Variants in RBFOX1 observed in about 807,000 individuals in gnomAD.
The protein encoded by RBFOX1 is RNA binding fox-1 homolog 1.
RBFOX1 carries 8 observed loss-of-function variants against 57.7 expected under a neutral mutation model. The ratio of observed to expected loss-of-function variants is 0.14; its 90% CI spans 0.08 to 0.25. RBFOX1 has a LOEUF of 0.25. Ranked by LOEUF, RBFOX1 falls within the 10% of genes least tolerant of loss-of-function variation. RBFOX1 has a pLI of 1.00. For missense variants in RBFOX1, 611 were observed against 548.5 expected (o/e 1.11, Z -1.14); for synonymous variants, 326 against 222.4 (o/e 1.47, Z -4.15).
intron 3 of RBFOX1, among the ~76,000 whole-genome samples, chr16:6,875,547 C>A (rs1452697097): frequency 6.6e-6 from 1 of 152,154 alleles, no homozygotes; most frequent in Non-Finnish European, 1.5e-5. Flanking sequence ...ATGTTTATGT[C>A]TGAAGCAAGG....
chr16:7,058,885 C>T (rs1026241114), intron 4 of RBFOX1, among the ~76,000 whole-genome samples: 4 of 152,130 alleles, frequency 2.6e-5, no homozygotes, highest in Non-Finnish European at 4.4e-5. Flanking sequence ...CATAATGTTA[C>T]ATATTGCCCG....
chr16:7,544,967 G>A lies in RBFOX1; in HGVS notation c.270+26578G>A, dbSNP rs142012796. The stretch of plus-strand genomic sequence containing the variant: ...AGCAGCTCAGTTACGATGTGTGAAC[G>A]GAATGTATGAATGAATGAATGAGTG... On this transcript the variant is annotated intron_variant, in intron 5 of 15. Coordinates refer to ENST00000550418, the MANE Select transcript of RBFOX1 (RefSeq NM_018723.4). Among the ~76,000 whole-genome samples, 935 of 152,278 alleles carry A rather than the reference G, an allele frequency of 6.1e-3. 10 individuals are homozygous for A. The highest frequency in any genetic ancestry group is 0.022 in the African/African-American group (894 of 41,556).
At chr16:7,063,230 C>A (rs2055031377) in intron 4 of RBFOX1, among the ~76,000 whole-genome samples, 1 of 152,036 alleles carries the variant, frequency 6.6e-6, no homozygotes. Context: ...CAGGTAGGCA[C>A]AGGAAGAGAG....
intron 1 of RBFOX1, among the ~76,000 whole-genome samples, chr16:6,170,385 G>T (rs1159628865): frequency 6.6e-6 from 1 of 152,112 alleles, no homozygotes; most frequent in East Asian, 1.9e-4. Context: ...TAATCAATCT[G>T]CAGTAAACAG....
intron 1 of RBFOX1, among the ~76,000 whole-genome samples, chr16:5,340,918 G>A (rs1433480735): frequency 1.3e-5 from 2 of 152,124 alleles, no homozygotes; most frequent in African/African-American, 4.8e-5. Flanking sequence ...GAGAGTGAGG[G>A]ACTGTGTGGC....
In RBFOX1 at chr16:6,622,255, A is replaced by G. The variant is rs78965037; in HGVS notation, c.-63-32348A>G. Among the ~76,000 whole-genome samples, 687 of 152,346 alleles carry G rather than the reference A, an allele frequency of 4.5e-3. 2 individuals carry two copies. Among genetic ancestry groups the G allele is most frequent in the African/African-American group, 0.016 (648 of 41,582 alleles). ...ACCACATAATGACGTTTCAGTCAAC[A>G]GCAGACTACATATATGACTGTGGTC... On this transcript the variant is annotated intron_variant, in intron 2 of 15. Coordinates refer to ENST00000550418, the MANE Select transcript of RBFOX1 (RefSeq NM_018723.4).
At chr16:6,156,567 T>C (rs1246728712) in intron 1 of RBFOX1, among the ~76,000 whole-genome samples, 1 of 152,178 alleles carries the variant, frequency 6.6e-6, no homozygotes, top group African/African-American at 2.4e-5. Context: ...TGGGGAGCTG[T>C]TGAGTCCAAC....
chr16:6,366,472 A>T (rs940955529), intron 2 of RBFOX1, among the ~76,000 whole-genome samples: 1 of 152,196 alleles, frequency 6.6e-6, no homozygotes, highest in East Asian at 1.9e-4. Flanking sequence ...AACCCAGAAT[A>T]AGCCAAAATA....
intron 2 of RBFOX1, among the ~76,000 whole-genome samples, chr16:6,391,151 C>T (rs537475990): frequency 1.3e-5 from 2 of 152,248 alleles, no homozygotes; most frequent in South Asian, 4.1e-4. Context: ...ATTGGCCTTG[C>T]CTGCAAGAAG....
At chr16:7,344,880 A>T (rs1603626018) in intron 4 of RBFOX1, among the ~76,000 whole-genome samples, 1 of 152,124 alleles carries the variant, frequency 6.6e-6, no homozygotes, top group Non-Finnish European at 1.5e-5. Flanking sequence ...TGCCCGTACA[A>T]CCGACTCTGA....
chr16:7,501,472 A>T (rs956365879), intron 4 of RBFOX1, among the ~76,000 whole-genome samples: 4 of 152,152 alleles, frequency 2.6e-5, no homozygotes, highest in Non-Finnish European at 5.9e-5. Flanking sequence ...AGTGCTGGGG[A>T]TATGCTGTCC....
At chr16:5,711,697 C>G (rs2051493739) in intron 3 of RBFOX1, among the ~76,000 whole-genome samples, 1 of 152,074 alleles carries the variant, frequency 6.6e-6, no homozygotes, top group African/African-American at 2.4e-5. Flanking sequence ...ATTTTTTGGT[C>G]TTTACTCTCA....
chr16:5,801,225 A>T (rs1372298141), intron 3 of RBFOX1, among the ~76,000 whole-genome samples: 2 of 152,200 alleles, frequency 1.3e-5, no homozygotes, highest in Non-Finnish European at 2.9e-5. Context: ...TACTAATTAT[A>T]AATGCAATTA....
At chr16:6,854,551 C>G (rs1261796934) in intron 3 of RBFOX1, among the ~76,000 whole-genome samples, 1 of 150,880 alleles carries the variant, frequency 6.6e-6, no homozygotes, top group South Asian at 2.1e-4. Context: ...TCTTCTGAAC[C>G]TCACGCATTA....
intron 2 of RBFOX1, among the ~76,000 whole-genome samples, chr16:5,520,426 C>G (rs1020637013): frequency 6.6e-6 from 1 of 152,208 alleles, no homozygotes; most frequent in Admixed American, 6.5e-5. Context: ...CCCCTGTCTT[C>G]TCAGCCACCA....
intron 1 of RBFOX1, among the ~76,000 whole-genome samples, chr16:6,245,117 A>G (rs1433204826): frequency 6.6e-6 from 1 of 152,186 alleles, no homozygotes; most frequent in African/African-American, 2.4e-5. Flanking sequence ...GAATCATAGT[A>G]GAAACTGATA....
chr16:7,583,976 G>A lies in RBFOX1; in HGVS notation c.415-3271G>A, dbSNP rs561932553. On this transcript the variant is annotated intron_variant, in intron 6 of 15. Transcript: ENST00000550418. ...CAAGATCACTTTTTAGTCACGAGAC[G>A]GGCTTGCCTGTACTTATGACGTTAA... Among the ~76,000 whole-genome samples the A allele has an allele frequency of 4.6e-5, 7 of 152,216 alleles. No individual in the cohort carries two copies. In the East Asian group the frequency reaches 1.2e-3, roughly 25 times the overall value.
Position 6,056,939 on chromosome 16 carries a change from T to A in RBFOX1, c.-127+36947T>A, listed in dbSNP as rs201896265. 6 of 151,994 alleles carry A rather than the reference T, an allele frequency of 3.9e-5. No homozygotes were observed. The East Asian group carries it at 1.2e-3, about 30-fold the overall frequency. 9.4% of individuals were successfully genotyped at this position (151,994 alleles called of 1,614,324 possible). ...ATAACCAAAGTCCTGATGTGGCAAT[T>A]GATTAAACTCTCTTTTTATGATACC... On this transcript the variant is annotated intron_variant, in intron 1 of 15. Transcript: ENST00000550418.
Position 7,640,322 on chromosome 16 carries a change from G to T in RBFOX1, c.757+9639G>T, listed in dbSNP as rs117975888. On this transcript the variant is annotated intron_variant, in intron 11 of 15. Transcript: ENST00000550418. Reference sequence around the variant, plus strand: ...CAAAGAGGCAGCCACATTTCAGGCAGCTGCCATGCAGCTCTCTGTCATTGC... The same window carrying T: ...CAAAGAGGCAGCCACATTTCAGGCATCTGCCATGCAGCTCTCTGTCATTGC... Among the ~76,000 whole-genome samples, 118 of 152,324 alleles carry T rather than the reference G, an allele frequency of 7.7e-4. 1 individual carries two copies. The East Asian group carries it at 0.019, about 25-fold the overall frequency.
Sources: gnomAD v4.1 joint callset for allele counts (sites outside exome capture counted in the v4.1 genomes callset) on GRCh38, gnomAD v4.1.1 for gene constraint, MANE v1.5 for transcripts, NCBI Gene and HGNC (gene_info 2026-07-23, HGNC 2026-07-21) for gene names.